The following RCAN2 variants were observed in gnomAD, a reference collection of about 807,000 sequenced individuals.
RCAN2 encodes calcipressin-2.
RCAN2 carries 9 observed loss-of-function variants against 23.6 expected under a neutral mutation model. That is an observed-to-expected ratio of 0.38 (90% confidence interval 0.23 to 0.67). RCAN2 has a LOEUF of 0.67. Among genes scored for constraint, RCAN2 ranks in the 30% least tolerant of loss-of-function variants. The pLI, the probability that RCAN2 is intolerant of heterozygous loss-of-function variation, is 0.51. For synonymous variants in RCAN2, 109 were observed against 115.7 expected (o/e 0.94, Z 0.37); for missense variants, 273 against 302.3 (o/e 0.90, Z 0.72).
In RCAN2 at chr6:46,450,230, T is replaced by C. The variant is rs58360751; in HGVS notation, c.225+6522A>G. 7.0e-3 allele frequency among the ~76,000 whole-genome samples: 1,069 copies of C among 152,060 alleles called. 11 individuals carry two copies. Among genetic ancestry groups the C allele is most frequent in the African/African-American group, 0.025 (1,018 of 41,516 alleles). ...TCAACTATGCTAATGATCAGGGAAA[T>C]GCAAATTATACCGCAATGAAATATC... On this transcript the variant is annotated intron_variant, in intron 2 of 4. Coordinates refer to ENST00000371374, the MANE Select transcript of RCAN2 (RefSeq NM_001251974.2).
chr6:46,384,903 T>A (rs769959380), intron 2 of RCAN2, among the ~76,000 whole-genome samples: 1 of 152,170 alleles, frequency 6.6e-6, no homozygotes, highest in Admixed American at 6.5e-5. Context: ...TGCATCACCA[T>A]GTAGGTACAT....
intron 2 of RCAN2, among the ~76,000 whole-genome samples, chr6:46,255,541 A>C (rs1037975091): frequency 6.6e-6 from 1 of 152,226 alleles, no homozygotes; most frequent in Non-Finnish European, 1.5e-5. Flanking sequence ...GAAGGTTTTC[A>C]GTGTCAGATG....
At chr6:46,255,651 C>T (rs1330779992) in intron 2 of RCAN2, among the ~76,000 whole-genome samples, 1 of 151,720 alleles carries the variant, frequency 6.6e-6, no homozygotes, top group Admixed American at 6.6e-5. Flanking sequence ...AAGAGGATTG[C>T]ACGGTGACCA....
chr6:46,298,491 T>C lies in RCAN2; in HGVS notation c.226-49595A>G, dbSNP rs548234899. 3.3e-5 allele frequency among the ~76,000 whole-genome samples: 5 copies of C among 152,276 alleles called. No individual in the cohort carries two copies. The East Asian group carries it at 9.7e-4, about 29-fold the overall frequency. ...TAATGGCTCCATTCTTACAATGCGA[T>C]GTTACCAGTACTTATGCTAAACCAA... On this transcript the variant is annotated intron_variant, in intron 2 of 4. Coordinates refer to ENST00000371374, the MANE Select transcript of RCAN2 (RefSeq NM_001251974.2).
intron 2 of RCAN2, among the ~76,000 whole-genome samples, chr6:46,358,897 C>T (rs1764918292): frequency 6.6e-6 from 1 of 152,156 alleles, no homozygotes; most frequent in African/African-American, 2.4e-5. Flanking sequence ...CAGGTGATTC[C>T]AATATGCAGC....
chr6:46,288,989 A>G (rs1394440519), intron 2 of RCAN2, among the ~76,000 whole-genome samples: 2 of 152,222 alleles, frequency 1.3e-5, no homozygotes, highest in Non-Finnish European at 2.9e-5. Flanking sequence ...GTTTCTTAAA[A>G]CACACATGTG....
At chr6:46,378,024 A>G (rs1765525063) in intron 2 of RCAN2, among the ~76,000 whole-genome samples, 1 of 152,220 alleles carries the variant, frequency 6.6e-6, no homozygotes, top group Non-Finnish European at 1.5e-5. Flanking sequence ...AATTACCTGT[A>G]TCCACAAGCC....
intron 2 of RCAN2, among the ~76,000 whole-genome samples, chr6:46,318,714 TA>T (rs199690863): frequency 0.015 from 2,242 of 150,910 alleles, 21 homozygotes; most frequent in African/African-American, 0.034. Flanking sequence ...AACAGAAGGT[TA>T]AAAAAAAAGA....
rs1392330555 is a variant in RCAN2 at position 46,256,126 on chromosome 6, T to C, written c.226-7230A>G. Among the ~76,000 whole-genome samples the C allele has an allele frequency of 2.6e-5, 4 of 152,022 alleles. No individual in the cohort carries two copies. The South Asian group carries it at 8.3e-4, about 32-fold the overall frequency. ...AGCTCACGCCTGTAATCCCAGCACT[T>C]TGGGAGGCCGAGGCAGGAGGATCGC... On this transcript the variant is annotated intron_variant, in intron 2 of 4. Transcript: ENST00000371374.
intron 2 of RCAN2, among the ~76,000 whole-genome samples, chr6:46,367,702 C>G (rs879412944): frequency 5.3e-5 from 8 of 152,034 alleles, no homozygotes; most frequent in Non-Finnish European, 8.8e-5. Context: ...TTTAATTTTT[C>G]TTATCTTTGA....
chr6:46,356,902 C>A (rs887486150), intron 2 of RCAN2, among the ~76,000 whole-genome samples: 2 of 152,180 alleles, frequency 1.3e-5, no homozygotes, highest in African/African-American at 4.8e-5. Context: ...GGCTAAAGGA[C>A]CTATCAAGTT....
At chr6:46,487,321 T>C (rs1333496807) in intron 1 of RCAN2, among the ~76,000 whole-genome samples, 2 of 152,226 alleles carry the variant, frequency 1.3e-5, no homozygotes, top group African/African-American at 4.8e-5. Flanking sequence ...TGGAAGTTAT[T>C]TAATGTGCTG....
intron 2 of RCAN2, among the ~76,000 whole-genome samples, chr6:46,288,656 C>T (rs183806549): frequency 1.9e-4 from 29 of 152,372 alleles, no homozygotes; most frequent in Admixed American, 5.9e-4. Flanking sequence ...AAATCCTGAT[C>T]CCGTTATTTA....
chr6:46,388,787 G>A (rs1487302995), intron 2 of RCAN2, among the ~76,000 whole-genome samples: 2 of 152,084 alleles, frequency 1.3e-5, no homozygotes, highest in East Asian at 1.9e-4. Context: ...ATCACACACC[G>A]GGGCCTGTGT....
At chr6:46,232,161 C>T (rs1047898878) in intron 4 of RCAN2, among the ~76,000 whole-genome samples, 4 of 152,214 alleles carry the variant, frequency 2.6e-5, no homozygotes, top group African/African-American at 7.2e-5. Context: ...TCCTGCCCTG[C>T]GGAGCAAGAA....
chr6:46,456,815 G>A lies in RCAN2; in HGVS notation c.162C>T (p.Asp54=). The change falls in exon 2 of 5, where the codon GAC becomes GAT. Residue 54 remains aspartate (D), a synonymous_variant. Transcript: ENST00000371374. The stretch of plus-strand genomic sequence containing the variant: ...TGCACGCAAACAACGAGTTGGGGAG[G>A]TCATTGAAGTCAGTGATTGCTTGAA... The part of the protein sequence containing the change: ...EAFQAITDFN[D]LPNSLFACNV... 1 of 1,550,802 alleles carries A rather than the reference G, an allele frequency of 6.4e-7. No homozygotes were observed. Among genetic ancestry groups the A allele is most frequent in the Non-Finnish European group, 8.7e-7 (1 of 1,147,040 alleles).
intron 2 of RCAN2, among the ~76,000 whole-genome samples, chr6:46,451,241 G>A (rs1767874214): frequency 6.6e-6 from 1 of 152,066 alleles, no homozygotes; most frequent in Non-Finnish European, 1.5e-5. Flanking sequence ...AAACTCTTGA[G>A]GAGTGATATG....
chr6:46,338,902 C>T (rs1764220563), intron 2 of RCAN2, among the ~76,000 whole-genome samples: 1 of 150,116 alleles, frequency 6.7e-6, no homozygotes, highest in South Asian at 2.1e-4. Flanking sequence ...GTAATACCAG[C>T]TACTCAGGAA....
chr6:46,346,674 C>G (rs1165527295), intron 2 of RCAN2, among the ~76,000 whole-genome samples: 2 of 151,804 alleles, frequency 1.3e-5, no homozygotes, highest in African/African-American at 4.8e-5. Flanking sequence ...ATGTAACACA[C>G]ATACATATAA....
Sources: gnomAD v4.1 joint callset for allele counts (sites outside exome capture counted in the v4.1 genomes callset) on GRCh38, gnomAD v4.1.1 for gene constraint, MANE v1.5 for transcripts, NCBI Gene and HGNC (gene_info 2026-07-23, HGNC 2026-07-21) for gene names.